The following SVEP1 variants were observed in gnomAD, a reference collection of about 807,000 sequenced individuals.
SVEP1 encodes the protein sushi, von Willebrand factor type A, EGF and pentraxin domain containing 1.
SVEP1 carries 164 observed loss-of-function variants against 367.3 expected under a neutral mutation model. The ratio of observed to expected loss-of-function variants is 0.45; its 90% confidence interval spans 0.39 to 0.51. The LOEUF (loss-of-function observed/expected upper bound fraction) is 0.51. Among genes scored for constraint, SVEP1 ranks in the 20% least tolerant of loss-of-function variants. SVEP1 has a pLI of 0.00. For synonymous variants in SVEP1, 1,666 were observed against 1,611.6 expected (o/e 1.03, Z -0.81); for missense variants, 4,117 against 4,425.3 (o/e 0.93, Z 1.98).
chr9:110,375,348 A>C lies in SVEP1; in HGVS notation c.10600+20T>G, dbSNP rs1320497966. 14 of 1,546,128 alleles carry C rather than the reference A, an allele frequency of 9.1e-6. No homozygotes were observed. The highest frequency in any genetic ancestry group is 2.0e-5 in the Admixed American group (1 of 49,422). On this transcript the variant is annotated intron_variant, in intron 46 of 47. Coordinates refer to ENST00000374469, the MANE Select transcript of SVEP1 (RefSeq NM_153366.4). ...CATGGGCCTGAGCCACCAAGAAAACAAACCATGAAAGAGGCCTACCTGTAT... is the reference window on the plus strand; with the variant it reads ...CATGGGCCTGAGCCACCAAGAAAACCAACCATGAAAGAGGCCTACCTGTAT...
chr9:110,437,808 T>C (rs1828454095), intron 27 of SVEP1, among the ~76,000 whole-genome samples: 1 of 152,112 alleles, frequency 6.6e-6, no homozygotes, highest in African/African-American at 2.4e-5. Context: ...TTCCCTCAAG[T>C]CCCCAAAGTC....
At chr9:110,570,719 G>A (rs904481615) in intron 1 of SVEP1, among the ~76,000 whole-genome samples, 1 of 151,966 alleles carries the variant, frequency 6.6e-6, no homozygotes, top group Admixed American at 6.6e-5. Context: ...GACCTCAGGT[G>A]ATCTGCCTGC....
intron 18 of SVEP1, among the ~76,000 whole-genome samples, chr9:110,461,520 T>C (rs1378092814): frequency 6.6e-6 from 1 of 152,154 alleles, no homozygotes; most frequent in East Asian, 1.9e-4. Flanking sequence ...AGTAGTACGG[T>C]TGAAAAATTT....
chr9:110,521,386 T>C (rs923248257), intron 3 of SVEP1, among the ~76,000 whole-genome samples: 1 of 152,184 alleles, frequency 6.6e-6, no homozygotes, highest in Admixed American at 6.5e-5. Context: ...TGTGGTGCCA[T>C]GGCAGGAAAT....
At chr9:110,503,296 C>A (rs1158910603) in intron 5 of SVEP1, 79 bp from the exon 6 acceptor site, 36 of 1,379,356 alleles carry the variant, frequency 2.6e-5, no homozygotes, top group Non-Finnish European at 3.5e-5. Context: ...GCAATGCCTG[C>A]ACATTGCAAG....
chr9:110,564,307 T>C (rs1045642587), intron 1 of SVEP1, among the ~76,000 whole-genome samples: 2 of 152,192 alleles, frequency 1.3e-5, no homozygotes, highest in Non-Finnish European at 2.9e-5. Flanking sequence ...TCAAAGCTGT[T>C]AGAAAAGAAA....
At chr9:110,460,499 C>T (rs1327317879) in intron 18 of SVEP1, among the ~76,000 whole-genome samples, 1 of 152,068 alleles carries the variant, frequency 6.6e-6, no homozygotes, top group East Asian at 1.9e-4. Flanking sequence ...ATGCCTGTAA[C>T]CCCAGCACTT....
At chr9:110,393,363 G>A (rs1827698238) in intron 40 of SVEP1, among the ~76,000 whole-genome samples, 1 of 152,150 alleles carries the variant, frequency 6.6e-6, no homozygotes, top group Admixed American at 6.5e-5. Context: ...AGAAAATAAT[G>A]AGACATGCAA....
At chr9:110,400,548 G>A (rs558599017) in intron 40 of SVEP1, among the ~76,000 whole-genome samples, 3 of 152,002 alleles carry the variant, frequency 2.0e-5, no homozygotes, top group Non-Finnish European at 4.4e-5. Context: ...TGTATTTTTA[G>A]TAGAGACGGG....
At chr9:110,397,954 G>C (rs529006833) in intron 40 of SVEP1, among the ~76,000 whole-genome samples, 1 of 149,928 alleles carries the variant, frequency 6.7e-6, no homozygotes, top group South Asian at 2.1e-4. Context: ...TCCCCATCGA[G>C]CAACCAATGA....
intron 45 of SVEP1, chr9:110,376,743 G>A (rs138877758): frequency 2.0e-5 from 3 of 152,192 alleles, no homozygotes; most frequent in African/African-American, 7.2e-5. Flanking sequence ...ATACCTCCCT[G>A]GAATTTCAAA....
At chr9:110,373,302 T>C (rs1827303656) in intron 46 of SVEP1, among the ~76,000 whole-genome samples, 1 of 152,194 alleles carries the variant, frequency 6.6e-6, no homozygotes, top group East Asian at 1.9e-4. Flanking sequence ...TTTCCTTCTC[T>C]ACATTCATGA....
chr9:110,564,233 T>C (rs147019772), intron 1 of SVEP1, among the ~76,000 whole-genome samples: 1 of 152,332 alleles, frequency 6.6e-6, no homozygotes, highest in Non-Finnish European at 1.5e-5. Flanking sequence ...GATGCATGCA[T>C]AGAGATTGGG....
intron 3 of SVEP1, among the ~76,000 whole-genome samples, chr9:110,519,873 T>G (rs1829856155): frequency 6.6e-6 from 1 of 152,166 alleles, no homozygotes; most frequent in South Asian, 2.1e-4. Context: ...TGACTTTTTT[T>G]TTCTTTCACT....
intron 34 of SVEP1, among the ~76,000 whole-genome samples, 183 bp from the exon 35 acceptor site, chr9:110,429,517 C>T (rs1424851223): frequency 6.6e-6 from 1 of 151,748 alleles, no homozygotes; most frequent in East Asian, 1.9e-4. Flanking sequence ...TATATCTTCC[C>T]CATAGGGAAG....
chr9:110,426,283 G>A lies in SVEP1; in HGVS notation c.5975+1308C>T, dbSNP rs563154166. On this transcript the variant is annotated intron_variant, in intron 36 of 47. Coordinates refer to ENST00000374469, the MANE Select transcript of SVEP1 (RefSeq NM_153366.4). The stretch of plus-strand genomic sequence containing the variant: ...GCTGGCAGTCATGTATTAGTGGAAT[G>A]GTTTTCTACTCCTGTGAAGTAAAAT... 2.0e-5 allele frequency among the ~76,000 whole-genome samples: 3 copies of A among 152,272 alleles called. No individual in the cohort carries two copies. The East Asian group carries it at 5.8e-4, about 29-fold the overall frequency.
intron 47 of SVEP1, 56 bp downstream of exon 47, chr9:110,369,867 A>T: frequency 6.9e-7 from 1 of 1,447,754 alleles, no homozygotes; most frequent in Non-Finnish European, 9.5e-7. Flanking sequence ...AGGACAATTT[A>T]CTTGAATTTT....
At chr9:110,531,618 TA>T (rs938478268) in intron 3 of SVEP1, among the ~76,000 whole-genome samples, 4 of 152,204 alleles carry the variant, frequency 2.6e-5, no homozygotes, top group African/African-American at 4.8e-5. Context: ...GTGAGTCAAT[TA>T]AACCTCTTTC....
intron 17 of SVEP1, among the ~76,000 whole-genome samples, 162 bp downstream of exon 17, chr9:110,468,778 A>T (rs1334993970): frequency 6.6e-6 from 1 of 152,198 alleles, no homozygotes; most frequent in Admixed American, 6.5e-5. Context: ...CCTAAAACTT[A>T]TATTGAATAA....
Sources: gnomAD v4.1 joint callset for allele counts (sites outside exome capture counted in the v4.1 genomes callset) on GRCh38, gnomAD v4.1.1 for gene constraint, MANE v1.5 for transcripts, NCBI Gene and HGNC (gene_info 2026-07-23, HGNC 2026-07-21) for gene names.